Variants in DSCAM observed in about 807,000 individuals in gnomAD.
DSCAM encodes cell adhesion molecule DSCAM.
Under a neutral mutation model 217.7 loss-of-function variants are expected in DSCAM, and 47 were observed. The ratio of observed to expected loss-of-function variants is 0.22; its 90% CI spans 0.17 to 0.28. The LOEUF (loss-of-function observed/expected upper bound fraction) is 0.28. DSCAM is among the 10% of genes least tolerant of loss of function. DSCAM has a pLI of 1.00. For synonymous variants in DSCAM, 1,056 were observed against 1,015.3 expected, an observed-to-expected ratio of 1.04 and a Z score of -0.76; for missense variants, 2,080 against 2,618.3, an observed-to-expected ratio of 0.79 and a Z score of 4.49.
intron 1 of DSCAM, among the ~76,000 whole-genome samples, chr21:40,772,380 G>C (rs1048445481): frequency 2.0e-5 from 3 of 152,132 alleles, no homozygotes; most frequent in African/African-American, 7.2e-5. Context: ...TGTTGGCCAG[G>C]CTGGTCTCGA....
chr21:40,773,198 C>T (rs1413334238), intron 1 of DSCAM, among the ~76,000 whole-genome samples: 2 of 152,230 alleles, frequency 1.3e-5, no homozygotes, highest in South Asian at 4.1e-4. Context: ...TTCTAGGAAA[C>T]CCAGCTGTTT....
rs1431430548 is a variant in DSCAM at position 40,339,190 on chromosome 21, C to T, written c.1436G>A (p.Gly479Glu). 1 of 1,614,160 alleles carries T rather than the reference C, an allele frequency of 6.2e-7. No homozygotes were observed. Among genetic ancestry groups the T allele is most frequent in the Admixed American group, 1.7e-5 (1 of 60,016 alleles). The change falls in exon 7 of 33, where the codon GGG becomes GAG. Residue 479 changes from glycine (G) to glutamate (E), a missense_variant. By Grantham distance (98) the Gly-to-Glu change is moderately conservative. Transcript: ENST00000400454. ...GTTGGCAGTGCAGCGGTAGACTCCC[C>T]CGTCCCGGACCTGGGAGCTGGAGAT... is the stretch of plus-strand genomic sequence containing the variant. ...LNISSSQVRD[G>E]GVYRCTANNS...
intron 11 of DSCAM, among the ~76,000 whole-genome samples, chr21:40,257,380 T>G (rs893895286): frequency 1.4e-5 from 2 of 146,792 alleles, no homozygotes; most frequent in Non-Finnish European, 3.0e-5. Context: ...TATTTTTTTG[T>G]TTTTTTTTCC....
intron 1 of DSCAM, among the ~76,000 whole-genome samples, chr21:40,743,779 C>T (rs1314407603): frequency 1.3e-5 from 2 of 152,108 alleles, no homozygotes; most frequent in Non-Finnish European, 2.9e-5. Context: ...TTTCTTTGTT[C>T]TCATGATGTA....
chr21:40,358,876 T>A (rs1360994416), intron 4 of DSCAM, among the ~76,000 whole-genome samples: 1 of 147,316 alleles, frequency 6.8e-6, no homozygotes, highest in African/African-American at 2.5e-5. Flanking sequence ...AAATTGAAAA[T>A]CATATTTCTA....
intron 20 of DSCAM, among the ~76,000 whole-genome samples, chr21:40,106,916 A>C (rs1399675018): frequency 6.6e-6 from 1 of 151,670 alleles, no homozygotes. Flanking sequence ...TTTTTCAAAA[A>C]ACTAGCTCCT....
At chr21:40,464,659 G>A (rs868349186) in intron 3 of DSCAM, among the ~76,000 whole-genome samples, 1 of 151,884 alleles carries the variant, frequency 6.6e-6, no homozygotes, top group Non-Finnish European at 1.5e-5. Context: ...ATCTTTGAAA[G>A]AGCCACCCTG....
At chr21:40,427,779 G>T (rs2075489501) in intron 3 of DSCAM, among the ~76,000 whole-genome samples, 1 of 152,244 alleles carries the variant, frequency 6.6e-6, no homozygotes, top group African/African-American at 2.4e-5. Flanking sequence ...GCTCACGGCT[G>T]CCTGCCGCAT....
intron 20 of DSCAM, among the ~76,000 whole-genome samples, chr21:40,115,086 A>G (rs1014314787): frequency 2.6e-5 from 4 of 152,208 alleles, no homozygotes; most frequent in African/African-American, 9.7e-5. Context: ...AGGATTATAA[A>G]ACATGCTGCT....
chr21:40,307,733 T>C (rs1418391002), intron 9 of DSCAM, among the ~76,000 whole-genome samples: 2 of 152,062 alleles, frequency 1.3e-5, no homozygotes, highest in Non-Finnish European at 1.5e-5. Context: ...CACATATACA[T>C]CATGGAATAC....
intron 3 of DSCAM, among the ~76,000 whole-genome samples, chr21:40,674,632 CTTTTTT>C (rs869046725): frequency 3.8e-5 from 2 of 52,002 alleles, no homozygotes; most frequent in Non-Finnish European, 7.9e-5. Flanking sequence ...TTTTCTTTTT[CTTTTTT>C]TTTTTTTTTT....
chr21:40,057,074 A>G (rs2089037341), intron 28 of DSCAM, among the ~76,000 whole-genome samples: 1 of 152,224 alleles, frequency 6.6e-6, no homozygotes, highest in Non-Finnish European at 1.5e-5. Context: ...GTTTGAGTAA[A>G]AGCAAATTAT....
rs1311900083 is a variant in DSCAM at position 40,028,321 on chromosome 21, C to G, written c.5686+14050G>C. 4.1e-5 allele frequency among the ~76,000 whole-genome samples: 3 copies of G among 72,318 alleles called. 1 individual carries two copies. The highest frequency in any genetic ancestry group is 1.4e-4 in the African/African-American group (3 of 20,848). The allele number at this position is 72,318 out of a possible 152,430, so 47.4% of individuals were successfully genotyped here. On this transcript the variant is annotated intron_variant, in intron 32 of 32. Coordinates refer to ENST00000400454, the MANE Select transcript of DSCAM (RefSeq NM_001389.5). ...AGGTTACTGCTGTCTTTTTGTTTGTCTGTGCAGCCTACAGAGGCAGGCAGG... is the reference window on the plus strand; with the variant it reads ...AGGTTACTGCTGTCTTTTTGTTTGTGTGTGCAGCCTACAGAGGCAGGCAGG...
Position 40,042,465 on chromosome 21 carries a change from G to C in DSCAM, c.5592C>G (p.Ser1864=). 1 of 1,614,178 alleles carries C rather than the reference G, an allele frequency of 6.2e-7. No individual in the cohort carries two copies. Among genetic ancestry groups the C allele is most frequent in the Non-Finnish European group, 8.5e-7 (1 of 1,180,032 alleles). Residue 1864 remains serine (S), a synonymous_variant, in exon 32 of 33, where the codon TCC becomes TCG. Coordinates refer to ENST00000400454, the MANE Select transcript of DSCAM (RefSeq NM_001389.5). ...CAGTGAACCTGCAGATTCCCGATTC[G>C]GAAGGGGTGCTGGAGGTCAGACTGT... ...YTDSLTSSTP[S]ESGICRFTAS... is the part of the protein sequence containing the mutation.
intron 3 of DSCAM, among the ~76,000 whole-genome samples, chr21:40,540,340 A>G (rs542549490): frequency 2.0e-5 from 3 of 152,292 alleles, no homozygotes; most frequent in African/African-American, 7.2e-5. Context: ...AGATAGAACC[A>G]ATTCCTCTCT....
intron 3 of DSCAM, among the ~76,000 whole-genome samples, chr21:40,555,311 G>C (rs1239389575): frequency 6.6e-6 from 1 of 152,164 alleles, no homozygotes; most frequent in African/African-American, 2.4e-5. Flanking sequence ...TAATCAGGCA[G>C]ATATTTTCCA....
intron 3 of DSCAM, among the ~76,000 whole-genome samples, chr21:40,388,385 A>G (rs2075105344): frequency 6.6e-6 from 1 of 152,210 alleles, no homozygotes; most frequent in Admixed American, 6.5e-5. Flanking sequence ...AGATCACAGC[A>G]GATGGTATCA....
intron 32 of DSCAM, among the ~76,000 whole-genome samples, chr21:40,028,881 A>G (rs55704235): frequency 6.6e-6 from 1 of 152,344 alleles, no homozygotes; most frequent in Admixed American, 6.5e-5. Flanking sequence ...AATCAAAAAG[A>G]CATCTCTTCA....
intron 3 of DSCAM, among the ~76,000 whole-genome samples, chr21:40,630,314 T>C (rs1195809160): frequency 6.6e-6 from 1 of 152,238 alleles, no homozygotes; most frequent in Non-Finnish European, 1.5e-5. Flanking sequence ...AAATGGTGTA[T>C]AGTCAACACT....
Sources: allele counts gnomAD v4.1 joint callset (sites outside exome capture counted in the v4.1 genomes callset), GRCh38; gene constraint gnomAD v4.1.1; transcripts MANE v1.5; gene names NCBI Gene and HGNC (gene_info 2026-07-23, HGNC 2026-07-21).